ZNF566: variants seen among roughly 807,000 people sequenced by gnomAD.
ZNF566 encodes zinc finger protein 566.
A neutral mutation model predicts 32.8 loss-of-function variants in ZNF566; 27 were observed. The ratio of observed to expected loss-of-function variants is 0.82; its 90% CI spans 0.61 to 1.14. The LOEUF is 1.14. ZNF566 is among the 50% of genes most tolerant of loss of function. The probability of loss-of-function intolerance (pLI) is 0.00; values close to 1 mark genes in which losing one functional copy is unlikely to be tolerated. For missense variants in ZNF566, 402 were observed against 490.4 expected, an observed-to-expected ratio of 0.82 and a Z score of 1.70; for synonymous variants, 154 against 159.5, an observed-to-expected ratio of 0.97 and a Z score of 0.26.
chr19:36,488,099 T>A (rs986296527), intron 1 of ZNF566, among the ~76,000 whole-genome samples: 8 of 152,058 alleles, frequency 5.3e-5, no homozygotes, highest in Non-Finnish European at 1.2e-4. Context: ...TCTATGTATC[T>A]ATTGACAGCC....
intron 1 of ZNF566, among the ~76,000 whole-genome samples, chr19:36,480,282 T>TTTTTC (rs1568531061): frequency 5.6e-5 from 8 of 142,150 alleles, no homozygotes; most frequent in African/African-American, 1.0e-4. Context: ...CATGCAATTT[T>TTTTTC]TTTTTCTTTT....
chr19:36,477,012 T>C (rs1172944029), intron 1 of ZNF566, among the ~76,000 whole-genome samples: 1 of 152,152 alleles, frequency 6.6e-6, no homozygotes, highest in African/African-American at 2.4e-5. Context: ...ACTTAATTTT[T>C]TTTTTCTTTT....
intron 4 of ZNF566, among the ~76,000 whole-genome samples, chr19:36,465,923 G>A (rs1294490212): frequency 6.6e-6 from 1 of 150,746 alleles, no homozygotes; most frequent in African/African-American, 2.4e-5. Context: ...ATATATAAAG[G>A]CAGTATAAAT....
intron 4 of ZNF566, among the ~76,000 whole-genome samples, chr19:36,458,557 A>T (rs2145652463): frequency 6.6e-6 from 1 of 152,236 alleles, no homozygotes; most frequent in Non-Finnish European, 1.5e-5. Context: ...CAGAATAAAA[A>T]ATTTCTGGAG....
At chr19:36,465,919 A>G (rs1355546535) in intron 4 of ZNF566, among the ~76,000 whole-genome samples, 1 of 151,574 alleles carries the variant, frequency 6.6e-6, no homozygotes, top group African/African-American at 2.4e-5. Flanking sequence ...AAATATATAT[A>G]AAGGCAGTAT....
intron 1 of ZNF566, among the ~76,000 whole-genome samples, chr19:36,481,462 C>T (rs1348864507): frequency 8.3e-6 from 1 of 120,906 alleles, no homozygotes; most frequent in African/African-American, 3.3e-5. Flanking sequence ...CAGAGCAAGA[C>T]ACTGTCTCGG....
intron 1 of ZNF566, among the ~76,000 whole-genome samples, chr19:36,479,885 C>T (rs990110900): frequency 3.3e-5 from 5 of 152,144 alleles, no homozygotes; most frequent in Non-Finnish European, 7.3e-5. Flanking sequence ...TTGGTAGAGA[C>T]AGGGTCTCAC....
chr19:36,472,952 G>T lies in ZNF566; in HGVS notation c.191C>A (p.Pro64His). The change falls in exon 4 of 5, where the codon CCC (proline) becomes CAC (histidine). Residue 64 changes from proline to histidine, a missense_variant. By Grantham distance (77) the Pro-to-His change is moderately conservative (BLOSUM62 -2). Coordinates refer to ENST00000452939, the MANE Select transcript of ZNF566 (RefSeq NM_001145344.1). The stretch of plus-strand genomic sequence containing the variant: ...TGTTAGCTCTCTGTCAGCCAACCAG[G>T]GCTCCTTCCCTTGCTCCAAGTAGGA... ...VISYLEQGKEPWLADRELTRG... is the reference protein window; with the variant it reads ...VISYLEQGKEHWLADRELTRG... The T allele has an allele frequency of 6.2e-7, 1 of 1,613,922 alleles. No individual in the cohort carries two copies. Among genetic ancestry groups the T allele is most frequent in the Non-Finnish European group, 8.5e-7 (1 of 1,179,954 alleles).
In ZNF566 at chr19:36,449,646, C is replaced by T; in HGVS notation, c.588G>A (p.Glu196=). 6.2e-7 allele frequency: 1 copy of T among 1,614,098 alleles called. No homozygotes were observed. The highest frequency in any genetic ancestry group is 8.5e-7 in the Non-Finnish European group (1 of 1,180,012). Reference sequence around the variant, plus strand: ...CACATTCCTTACATTCATAAGGCTTCTCAATGGTATGAATTATCTCATGTG... The same window carrying T: ...CACATTCCTTACATTCATAAGGCTTTTCAATGGTATGAATTATCTCATGTG... ...FATHEIIHTI[E]KPYECKECGK... The change falls in exon 5 of 5, where the codon GAG becomes GAA. Residue 196 remains glutamate, a synonymous_variant. Coordinates refer to ENST00000452939, the MANE Select transcript of ZNF566 (RefSeq NM_001145344.1).
intron 4 of ZNF566, among the ~76,000 whole-genome samples, chr19:36,467,553 T>C (rs555936994): frequency 2.0e-5 from 3 of 150,732 alleles, no homozygotes; most frequent in East Asian, 1.9e-4. Context: ...TCCCAGCACT[T>C]TGGGAGGCGG....
chr19:36,463,461 T>C lies in ZNF566; in HGVS notation c.232+9450A>G, dbSNP rs190305765. On this transcript the variant is annotated intron_variant, in intron 4 of 4. Coordinates refer to ENST00000452939, the MANE Select transcript of ZNF566 (RefSeq NM_001145344.1). Reference sequence around the variant, plus strand: ...CCTAAATAAATGGAGAAAAGTACTGTGGTCATGGCAAACATGATTTAACGT... The same window carrying C: ...CCTAAATAAATGGAGAAAAGTACTGCGGTCATGGCAAACATGATTTAACGT... Among the ~76,000 whole-genome samples the C allele has an allele frequency of 9.9e-5, 15 of 151,352 alleles. No homozygotes were observed. The East Asian group carries it at 2.1e-3, about 22-fold the overall frequency.
chr19:36,450,152 T>G, intron 4 of ZNF566, 151 bp from the exon 5 acceptor site: 1 of 662,856 alleles, frequency 1.5e-6, no homozygotes, highest in South Asian at 2.0e-5. Flanking sequence ...AAGATGAGGG[T>G]AGTGATTAGG....
chr19:36,476,298 T>A (rs2033882994), intron 2 of ZNF566: 2 of 367,576 alleles, frequency 5.4e-6, no homozygotes, highest in African/African-American at 4.6e-5. Context: ...AGAGCGAGAC[T>A]CCATCTCGAA....
intron 4 of ZNF566, among the ~76,000 whole-genome samples, chr19:36,460,913 T>C (rs1040789126): frequency 6.6e-6 from 1 of 152,180 alleles, no homozygotes; most frequent in Non-Finnish European, 1.5e-5. Flanking sequence ...AATAATTTAT[T>C]GTGCTGAAAA....
chr19:36,450,936 T>C (rs2033141560), intron 4 of ZNF566, among the ~76,000 whole-genome samples: 1 of 152,248 alleles, frequency 6.6e-6, no homozygotes, highest in African/African-American at 2.4e-5. Context: ...TGCCAGCCCC[T>C]GGTTAGATAT....
rs554234042 is a variant in ZNF566 at position 36,445,132 on chromosome 19, A to G, written c.*3845T>C. The G allele has an allele frequency of 6.6e-6, 1 of 152,286 alleles. No homozygotes were observed. The highest frequency in any genetic ancestry group is 1.9e-4 in the East Asian group (1 of 5,190). The allele number at this position is 152,286 out of a possible 1,614,324, so 9.4% of individuals were successfully genotyped here. ...ATGAGTCAAAAATTCTCATGAAGAA[A>G]CATCTTTATTTCCAAATAATAAACT... On this transcript the variant is annotated 3_prime_UTR_variant, in exon 5 of 5. Coordinates refer to ENST00000452939, the MANE Select transcript of ZNF566 (RefSeq NM_001145344.1).
At chr19:36,480,900 G>A (rs1034517141) in intron 1 of ZNF566, among the ~76,000 whole-genome samples, 4 of 151,588 alleles carry the variant, frequency 2.6e-5, no homozygotes, top group South Asian at 2.1e-4. Flanking sequence ...AAAATTAGCC[G>A]GGCATGGTGG....
At chr19:36,466,590 C>A (rs1483658594) in intron 4 of ZNF566, among the ~76,000 whole-genome samples, 2 of 152,106 alleles carry the variant, frequency 1.3e-5, no homozygotes, top group Non-Finnish European at 2.9e-5. Context: ...TGAGTCCCTA[C>A]GAGTGTGAAG....
At position 36,449,056 on chromosome 19, in the gene ZNF566, T is replaced by G. The variant is rs1396522071; in HGVS notation, c.1178A>C (p.Lys393Thr). The part of the protein sequence containing the change: ...ISHHRIHTSE[K>T]PYEYRECGKN... ...TCCACATTCCCTATATTCATAGGGT[T>G]TCTCACTAGTATGAATTCTATGATG... The change falls in exon 5 of 5, where the codon AAA becomes ACA. Residue 393 changes from lysine to threonine, a missense_variant. Coordinates refer to ENST00000452939, the MANE Select transcript of ZNF566 (RefSeq NM_001145344.1). 1 of 1,613,678 alleles carries G rather than the reference T, an allele frequency of 6.2e-7. No homozygotes were observed. The highest frequency in any genetic ancestry group is 1.7e-5 in the Admixed American group (1 of 59,914).
Sources: allele counts gnomAD v4.1 joint callset (sites outside exome capture counted in the v4.1 genomes callset), GRCh38; gene constraint gnomAD v4.1.1; transcripts MANE v1.5; gene names NCBI Gene and HGNC (gene_info 2026-07-23, HGNC 2026-07-21).